The following SMG5 variants were observed in gnomAD, a reference collection of about 807,000 sequenced individuals.
SMG5 encodes the protein nonsense-mediated mRNA decay factor SMG5.
SMG5 carries 53 observed loss-of-function variants against 122.9 expected under a neutral mutation model. That is an observed-to-expected ratio of 0.43 (90% confidence interval 0.35 to 0.54). SMG5 has a LOEUF of 0.54. Ranked by LOEUF, SMG5 falls within the 20% of genes least tolerant of loss-of-function variation. The pLI, the probability that SMG5 is intolerant of heterozygous loss-of-function variation, is 0.01. For missense variants in SMG5, 1,153 were observed against 1,285.6 expected, an observed-to-expected ratio of 0.90 and a Z score of 1.58; for synonymous variants, 477 against 490.2, an observed-to-expected ratio of 0.97 and a Z score of 0.35.
intron 7 of SMG5, among the ~76,000 whole-genome samples, chr1:156,269,117 C>T (rs1662287280): frequency 6.6e-6 from 1 of 152,098 alleles, no homozygotes; most frequent in Non-Finnish European, 1.5e-5. Context: ...ATTACAGGTG[C>T]CTGCCACCAC....
At chr1:156,283,286 A>G (rs1663052469), upstream of SMG5, among the ~76,000 whole-genome samples, 2 of 152,242 alleles carry the variant, frequency 1.3e-5, no homozygotes, top group South Asian at 4.1e-4. Flanking sequence ...AAGCCCCGGA[A>G]GAAATGACTT....
chr1:156,277,228 C>T lies in SMG5; in HGVS notation c.311G>A (p.Arg104Gln), dbSNP rs141888329. ...CCTGTAGGCACATTCCAAAGTGCTC[C>T]GGCTGTGGATGTGCTACAGATTGCG... The part of the protein sequence containing the change: ...IKTNKKHIHS[R>Q]STLECAYRTH... Residue 104 changes from arginine to glutamine, a missense_variant, in exon 4 of 22, where the codon CGG becomes CAG. This residue lies in a region of SMG5 where 213 missense variants were observed against 197.5 expected (regional missense o/e 1.08). Transcript: ENST00000361813. 9.7e-4 allele frequency: 1,568 copies of T among 1,613,188 alleles called. 1 individual carries two copies. Among genetic ancestry groups the T allele is most frequent in the Non-Finnish European group, 1.2e-3 (1,394 of 1,179,836 alleles).
chr1:156,285,859 C>T (rs749031748), upstream of SMG5: 2 of 1,613,858 alleles, frequency 1.2e-6, no homozygotes, highest in Admixed American at 3.3e-5. Flanking sequence ...TCATTCTCTT[C>T]CCTTGCCTAC....
intron 4 of SMG5, among the ~76,000 whole-genome samples, chr1:156,275,971 T>C (rs1662665422): frequency 6.6e-6 from 1 of 152,012 alleles, no homozygotes. Flanking sequence ...CGCACCACCA[T>C]GCCCAGTTAA....
intron 16 of SMG5, among the ~76,000 whole-genome samples, chr1:156,258,466 G>A (rs541443007): frequency 3.6e-4 from 55 of 152,354 alleles, no homozygotes; most frequent in African/African-American, 1.2e-3. Context: ...CCCCAGGTCA[G>A]TCTGGGTACA....
At chr1:156,253,576 C>A (rs187146486) in intron 16 of SMG5, 68 bp from the exon 17 acceptor site, 26 of 1,475,274 alleles carry the variant, frequency 1.8e-5, no homozygotes, top group Non-Finnish European at 2.5e-5. Context: ...TCAGGAAGAC[C>A]AAGAGGGTTT....
chr1:156,291,367 C>G, the SMG5 span: 25 of 1,612,804 alleles, frequency 1.6e-5, no homozygotes, highest in Non-Finnish European at 2.1e-5. Flanking sequence ...TAGCCTGACC[C>G]TTTTCTTGCC....
intron 4 of SMG5, 38 bp downstream of exon 4, chr1:156,277,047 G>C: frequency 6.2e-7 from 1 of 1,600,676 alleles, no homozygotes; most frequent in South Asian, 1.1e-5. Flanking sequence ...GTAGAAGCAT[G>C]AGAACCTGCT....
At position 156,252,979 on chromosome 1, in the gene SMG5, G is replaced by T. The variant is rs753643070; in HGVS notation, c.2602C>A (p.Leu868Ile). The T allele has an allele frequency of 1.9e-6, 3 of 1,613,262 alleles. No individual in the cohort carries two copies. The highest frequency in any genetic ancestry group is 2.5e-6 in the Non-Finnish European group (3 of 1,179,748). Residue 868 changes from leucine (L) to isoleucine (I), a missense_variant, in exon 18 of 22, where the codon CTC becomes ATC. Leu to Ile is a conservative substitution (Grantham distance 5). Transcript: ENST00000361813. The part of the protein sequence containing the change: ...VPDTQALCHH[L>I]PVIRQLATSG... ...GTGGCCAGTTGGCGGATGACAGGGA[G>T]ATGGTGGCAGAGGGCCTGGGTGTCA...
rs1393251105 is a variant in SMG5 at position 156,270,985 on chromosome 1, C to T, written c.713+1335G>A. On this transcript the variant is annotated intron_variant, in intron 7 of 21. Transcript: ENST00000361813. Reference sequence around the variant, plus strand: ...TCATGCCATTGCACTCCAGCCTGGGCAACAAGAGTGAAACTCCATCTCAAA... The same window carrying T: ...TCATGCCATTGCACTCCAGCCTGGGTAACAAGAGTGAAACTCCATCTCAAA... 3.5e-5 allele frequency among the ~76,000 whole-genome samples: 5 copies of T among 144,612 alleles called. 1 individual carries two copies. In the East Asian group the frequency reaches 1.0e-3, roughly 29 times the overall value. The allele number at this position is 144,612 out of a possible 152,430, so 94.9% of individuals were successfully genotyped here. A position where few individuals can be genotyped will look rare whatever the true frequency, so the allele number is the denominator to read the frequency against.
Position 156,266,825 on chromosome 1 carries a change from T to TA in SMG5, c.1118-148dup, listed in dbSNP as rs1662175504. The TA allele has an allele frequency of 9.2e-6, 10 of 1,092,604 alleles. No homozygotes were observed. In the Admixed American group the frequency reaches 3.0e-4, roughly 33 times the overall value. The allele number at this position is 1,092,604 out of a possible 1,614,324, so 67.7% of individuals were successfully genotyped here. ...TCTTTTTTTTTTTTTTTTAACTTTT[T>TA]AGAGACAAGAGTCTCACTATGTTGC... On this transcript the variant is annotated intron_variant, in intron 10 of 21. Transcript: ENST00000361813.
At chr1:156,277,481 C>G (rs1662734586) in intron 3 of SMG5, among the ~76,000 whole-genome samples, 1 of 151,364 alleles carries the variant, frequency 6.6e-6, no homozygotes, top group African/African-American at 2.4e-5. Flanking sequence ...CTAATTACAT[C>G]TGACTCTCTT....
chr1:156,266,701 T>TTAGGGGCC, intron 10 of SMG5, 23 bp from the exon 11 acceptor site: 2 of 1,613,916 alleles, frequency 1.2e-6, no homozygotes, highest in Non-Finnish European at 1.7e-6. Flanking sequence ...AAGCCAGGCA[T>TTAGGGGCC]TAGGGGCCTA....
intron 20 of SMG5, 39 bp downstream of exon 20, chr1:156,251,364 G>A: frequency 6.2e-7 from 1 of 1,606,926 alleles, no homozygotes; most frequent in African/African-American, 1.3e-5. Flanking sequence ...GAGCAAGGCA[G>A]GTGGCCTGAG....
chr1:156,270,336 A>G (rs1447635228), intron 7 of SMG5, among the ~76,000 whole-genome samples: 1 of 152,196 alleles, frequency 6.6e-6, no homozygotes, highest in Non-Finnish European at 1.5e-5. Flanking sequence ...TGGAGCCTTG[A>G]GCCACTACAT....
intron 13 of SMG5, 67 bp from the exon 14 acceptor site, chr1:156,261,475 G>A: frequency 7.4e-7 from 1 of 1,348,614 alleles, no homozygotes; most frequent in Non-Finnish European, 1.1e-6. Context: ...AGTGAGCAAG[G>A]AAAGCACCAC....
Position 156,250,355 on chromosome 1 carries a change from ACT to A in SMG5, c.*230_*231del, listed in dbSNP as rs1318096438. 1.9e-5 allele frequency: 10 copies of A among 529,472 alleles called. No individual in the cohort carries two copies. The highest frequency in any genetic ancestry group is 3.2e-5 in the East Asian group (1 of 30,974). 32.8% of individuals were successfully genotyped at this position (529,472 alleles called of 1,614,324 possible). On this transcript the variant is annotated 3_prime_UTR_variant, in exon 22 of 22. Coordinates refer to ENST00000361813, the MANE Select transcript of SMG5 (RefSeq NM_015327.3). ...GGAAGGCTGGCCAGGGGCCCACAAG[ACT>A]CTCCTAATCCAAGCACTTTCCTCGC... is the stretch of plus-strand genomic sequence containing the variant.
rs145850341 is a variant in SMG5, at chr1:156,260,498, G to A, written c.2236C>T (p.Arg746Cys). 1.4e-5 allele frequency: 22 copies of A among 1,590,724 alleles called. No individual in the cohort carries two copies. The highest frequency in any genetic ancestry group is 6.9e-5 in the African/African-American group (5 of 72,942). Residue 746 changes from arginine (R) to cysteine (C), a missense_variant, in exon 15 of 22, where the codon CGC becomes TGC. By Grantham distance (180) the Arg-to-Cys change is radical. Coordinates refer to ENST00000361813, the MANE Select transcript of SMG5 (RefSeq NM_015327.3). ...NLPPLRAAHRRFNFDTDRPLL... is the reference protein window; with the variant it reads ...NLPPLRAAHRCFNFDTDRPLL... The stretch of plus-strand genomic sequence containing the variant: ...GGCCGATCCGTGTCAAAGTTAAAGC[G>A]TCTGTGGGCAGCTCGGAGCGGGGGC...
intron 5 of SMG5, 93 bp downstream of exon 5, chr1:156,274,504 C>T: frequency 8.6e-7 from 1 of 1,156,254 alleles, no homozygotes; most frequent in Non-Finnish European, 1.3e-6. Flanking sequence ...CCCTCCTGCT[C>T]TCCAACCATG....
Sources: allele counts gnomAD v4.1 joint callset (sites outside exome capture counted in the v4.1 genomes callset), GRCh38; gene constraint gnomAD v4.1.1; regional missense constraint gnomAD v4.1.1; transcripts MANE v1.5; gene names NCBI Gene and HGNC (gene_info 2026-07-23, HGNC 2026-07-21).